MBD1: variants seen among roughly 807,000 people sequenced by gnomAD.
MBD1 encodes methyl-CpG-binding domain protein 1.
MBD1 carries 25 observed loss-of-function variants against 82.6 expected under a neutral mutation model. The ratio of observed to expected loss-of-function variants is 0.30; its 90% CI spans 0.22 to 0.42. The LOEUF is 0.42. MBD1 is among the 10% of genes least tolerant of loss of function. The pLI, the probability that MBD1 is intolerant of heterozygous loss-of-function variation, is 1.00. For missense variants in MBD1, 627 were observed against 819.6 expected, an observed-to-expected ratio of 0.76 and a Z score of 2.87; for synonymous variants, 301 against 303.7, an observed-to-expected ratio of 0.99 and a Z score of 0.09.
intron 6 of MBD1, 52 bp downstream of exon 6, chr18:50,276,326 T>C (rs978239627): frequency 3.2e-6 from 5 of 1,577,150 alleles, no homozygotes; most frequent in Non-Finnish European, 4.4e-6. Flanking sequence ...ACCAGCTCCA[T>C]CACATCCTGC....
chr18:50,272,637 A>G (rs1025250785), intron 15 of MBD1, 40 bp downstream of exon 15: 19 of 1,611,972 alleles, frequency 1.2e-5, no homozygotes, highest in African/African-American at 4.0e-5. Context: ...CATCTGGCCA[A>G]CACCCACTCC....
chr18:50,275,373 T>C (rs2037380237), intron 8 of MBD1, 128 bp from the exon 9 acceptor site: 20 of 1,610,682 alleles, frequency 1.2e-5, no homozygotes, highest in Non-Finnish European at 1.6e-5. Flanking sequence ...CACTCACAGT[T>C]GGGGGAGCCA....
intron 7 of MBD1, 42 bp downstream of exon 7, chr18:50,275,778 CCCATGGGGGCCAGGG>C: frequency 1.2e-5 from 20 of 1,614,118 alleles, no homozygotes; most frequent in Non-Finnish European, 1.7e-5. Context: ...TGGGGCCAAG[CCCATGGGGGCCAGGG>C]GCCGAGGTGA....
Position 50,275,896 on chromosome 18 carries a change from T to C in MBD1, c.602A>G (p.Asp201Gly). The part of the protein sequence containing the change: ...CSTCLLQLPH[D>G]VASGLFCKCE... Reference sequence around the variant, plus strand: ...CTTGCAGAACAGCCCCGATGCCACATCATGGGGCAGCTGCAGGAGGCAGGT... The same window carrying C: ...CTTGCAGAACAGCCCCGATGCCACACCATGGGGCAGCTGCAGGAGGCAGGT... Residue 201 changes from aspartate (D) to glycine (G), a missense_variant, in exon 7 of 17, where the codon GAT (aspartate) becomes GGT (glycine). This residue lies in a region of MBD1 where 228 missense variants were observed against 318.1 expected (regional missense o/e 0.72). Transcript: ENST00000269468. 1.2e-6 allele frequency: 2 copies of C among 1,614,126 alleles called. No individual in the cohort carries two copies. The highest frequency in any genetic ancestry group is 1.3e-5 in the African/African-American group (1 of 75,038).
At chr18:50,277,043 T>C in intron 3 of MBD1, 45 bp from the exon 4 acceptor site, 2 of 1,613,442 alleles carry the variant, frequency 1.2e-6, no homozygotes, top group Non-Finnish European at 1.7e-6. Flanking sequence ...GGTTGGGTGT[T>C]GGGTGGCACA....
chr18:50,281,022 A>G, intron 1 of MBD1: 3 of 725,524 alleles, frequency 4.1e-6, no homozygotes, highest in South Asian at 3.0e-5. Flanking sequence ...TCCTGTCATC[A>G]GCCTGAGGGC....
At chr18:50,267,995 C>G (rs749485741), downstream of MBD1, among the ~76,000 whole-genome samples, 18 of 152,222 alleles carry the variant, frequency 1.2e-4, no homozygotes, top group Non-Finnish European at 1.3e-4. Flanking sequence ...TATAACGGTT[C>G]TTTCAATTGC....
At position 50,273,328 on chromosome 18, in the gene MBD1, C is replaced by A; in HGVS notation, c.1584+6G>T. 6.2e-7 allele frequency: 1 copy of A among 1,614,018 alleles called. No homozygotes were observed. The highest frequency in any genetic ancestry group is 8.5e-7 in the Non-Finnish European group (1 of 1,180,008). Reference sequence around the variant, plus strand: ...GCACCAACAGAACATCCATCACTGCCCCCACCTTGCTAGGGCAGCCAGGCA... The same window carrying A: ...GCACCAACAGAACATCCATCACTGCACCCACCTTGCTAGGGCAGCCAGGCA... On this transcript the variant is annotated splice_donor_region_variant and intron_variant, in intron 13 of 16. Transcript: ENST00000269468.
Position 50,275,603 on chromosome 18 carries a change from T to C in MBD1, c.789A>G (p.Leu263=), listed in dbSNP as rs2037534892. The change falls in exon 8 of 17, where the codon CTA becomes CTG. Residue 263 remains leucine (L), a synonymous_variant. Transcript: ENST00000269468. Reference sequence around the variant, plus strand: ...TGCTCCCTCCAGCCCAACTCACCCGTAGGCAACGTCGCTGGACACATTTCC... The same window carrying C: ...TGCTCCCTCCAGCCCAACTCACCCGCAGGCAACGTCGCTGGACACATTTCC... ...RQWKCVQRRC[L]RGKHARRKGG... 6.2e-7 allele frequency: 1 copy of C among 1,614,168 alleles called. No individual in the cohort carries two copies. Among genetic ancestry groups the C allele is most frequent in the Non-Finnish European group, 8.5e-7 (1 of 1,180,020 alleles).
chr18:50,270,007 G>A (rs1423378888), intron 16 of MBD1, 189 bp from the exon 17 acceptor site: 15 of 1,597,254 alleles, frequency 9.4e-6, no homozygotes, highest in Non-Finnish European at 1.2e-5. Flanking sequence ...CTTAACTCAT[G>A]AGTCTAAATG....
intron 16 of MBD1, chr18:50,271,261 G>A (rs1320637946): frequency 1.4e-6 from 2 of 1,423,652 alleles, no homozygotes. Flanking sequence ...CTCTTGGGGA[G>A]GAGAAGATGC....
chr18:50,280,194 T>C (rs1277905407), intron 1 of MBD1, among the ~76,000 whole-genome samples, 177 bp from the exon 2 acceptor site: 1 of 152,106 alleles, frequency 6.6e-6, no homozygotes, highest in Non-Finnish European at 1.5e-5. Context: ...CATTCTTTCC[T>C]ATTCTGGGCC....
At chr18:50,267,361 A>G (rs1365351173), downstream of MBD1, 5 of 510,950 alleles carry the variant, frequency 9.8e-6, no homozygotes, top group Non-Finnish European at 1.7e-5. Context: ...ATAATTTTTT[A>G]AAACCTGTTA....
chr18:50,273,644 G>A lies in MBD1; in HGVS notation c.1366C>T (p.Leu456Phe), dbSNP rs915503821. ...CTTGCGCCTTCCCGTAAAAACACAA[G>A]GTCAGTGCCAGGCGGGGGCAGCACA... ...GFVLPPPGTD[L>F]VFLREGASSP... The change falls in exon 12 of 17, where the codon CTT becomes TTT. Residue 456 changes from leucine to phenylalanine, a missense_variant. Physicochemically the swap from Leu to Phe is conservative, Grantham distance 22. Coordinates refer to ENST00000269468, the MANE Select transcript of MBD1 (RefSeq NM_015846.4). The A allele has an allele frequency of 6.2e-7, 1 of 1,613,884 alleles. No homozygotes were observed. The highest frequency in any genetic ancestry group is 8.5e-7 in the Non-Finnish European group (1 of 1,180,024).
At chr18:50,273,500 G>A in intron 12 of MBD1, 29 bp from the exon 13 acceptor site, 2 of 1,613,850 alleles carry the variant, frequency 1.2e-6, no homozygotes, top group Non-Finnish European at 1.7e-6. Flanking sequence ...CAGCAGACTT[G>A]GTCTCAGCTC....
Position 50,269,587 on chromosome 18 carries a change from A to G in MBD1, c.*264T>C, listed in dbSNP as rs1163221612. 6 of 718,728 alleles carry G rather than the reference A, an allele frequency of 8.3e-6. No homozygotes were observed. Among genetic ancestry groups the G allele is most frequent in the Non-Finnish European group, 1.6e-5 (6 of 385,232 alleles). The allele number at this position is 718,728 out of a possible 1,614,324, so 44.5% of individuals were successfully genotyped here. On this transcript the variant is annotated 3_prime_UTR_variant, in exon 17 of 17. Transcript: ENST00000269468. Reference sequence around the variant, plus strand: ...CTGCAGCTGCTCCACCTTCCCCAGGATCATCCTTTCAGCTTCTCTAATTCC... The same window carrying G: ...CTGCAGCTGCTCCACCTTCCCCAGGGTCATCCTTTCAGCTTCTCTAATTCC...
chr18:50,280,555 G>A (rs2039817715), intron 1 of MBD1, among the ~76,000 whole-genome samples: 1 of 151,638 alleles, frequency 6.6e-6, no homozygotes, highest in African/African-American at 2.4e-5. Context: ...TCTGCCTGAT[G>A]TCCTCTTATC....
chr18:50,277,446 A>T (rs1174362560), intron 2 of MBD1, among the ~76,000 whole-genome samples: 2 of 152,140 alleles, frequency 1.3e-5, no homozygotes, highest in African/African-American at 4.8e-5. Context: ...ATATAATACT[A>T]GTAATACTGG....
chr18:50,269,892 C>A (rs551238043), intron 16 of MBD1, 74 bp from the exon 17 acceptor site: 2 of 1,026,418 alleles, frequency 1.9e-6, no homozygotes, highest in African/African-American at 1.6e-5. Context: ...CAATGGCATG[C>A]GGTCAGATCC....
Sources: gnomAD v4.1 joint callset for allele counts (sites outside exome capture counted in the v4.1 genomes callset) on GRCh38, gnomAD v4.1.1 for gene constraint, gnomAD v4.1.1 regional missense constraint, MANE v1.5 for transcripts, NCBI Gene and HGNC (gene_info 2026-07-23, HGNC 2026-07-21) for gene names.